The following CA10 variants were observed in gnomAD, a reference collection of about 807,000 sequenced individuals.
The protein encoded by CA10 is carbonic anhydrase-related protein 10.
CA10 carries 14 observed loss-of-function variants against 44.2 expected under a neutral mutation model. The ratio of observed to expected loss-of-function variants is 0.32; its 90% CI spans 0.21 to 0.50. The LOEUF (loss-of-function observed/expected upper bound fraction) is 0.50, where lower values mean the gene tolerates loss of function less well. Ranked by LOEUF, CA10 falls within the 20% of genes least tolerant of loss-of-function variation. The pLI, the probability that CA10 is intolerant of heterozygous loss-of-function variation, is 0.99. For missense variants in CA10, 350 were observed against 409.7 expected (o/e 0.85, Z 1.26); for synonymous variants, 159 against 141.6 (o/e 1.12, Z -0.87).
chr17:51,907,199 CT>C lies in CA10; in HGVS notation c.279+23790del, dbSNP rs547738360. 4.9e-3 allele frequency among the ~76,000 whole-genome samples: 748 copies of C among 152,182 alleles called. 2 individuals carry two copies. The highest frequency in any genetic ancestry group is 7.0e-3 in the Non-Finnish European group (474 of 68,006). ...TCCTCTGTTCATAGTGACCTTCTTC[CT>C]GTTTATGGAATGTGCCAAGTCTGTA... On this transcript the variant is annotated intron_variant, in intron 3 of 8. Transcript: ENST00000451037.
At chr17:51,878,742 A>T (rs1016103494) in intron 3 of CA10, among the ~76,000 whole-genome samples, 1 of 150,064 alleles carries the variant, frequency 6.7e-6, no homozygotes, top group East Asian at 2.0e-4. Context: ...AATATGAGCC[A>T]AAGAAATGTT....
At chr17:51,943,113 CT>C (rs1983145976) in intron 2 of CA10, among the ~76,000 whole-genome samples, 1 of 152,096 alleles carries the variant, frequency 6.6e-6, no homozygotes, top group Non-Finnish European at 1.5e-5. Context: ...TACTTTTGTG[CT>C]TTTGCTTTAA....
intron 3 of CA10, among the ~76,000 whole-genome samples, chr17:51,784,840 C>CTGTTG (rs1303707401): frequency 1.3e-5 from 2 of 152,204 alleles, no homozygotes; most frequent in African/African-American, 4.8e-5. Context: ...TATGGTCACC[C>CTGTTG]TGTTGTGCTA....
intron 2 of CA10, chr17:52,070,430 T>C (rs1987650533): frequency 1.3e-5 from 2 of 152,166 alleles, no homozygotes; most frequent in African/African-American, 4.8e-5. Context: ...AATTTAATCC[T>C]CAGCAAACCT....
At chr17:52,087,014 C>G (rs1011129425) in intron 1 of CA10, among the ~76,000 whole-genome samples, 5 of 152,174 alleles carry the variant, frequency 3.3e-5, no homozygotes, top group Non-Finnish European at 5.9e-5. Flanking sequence ...CCTCCTACAA[C>G]CTATCTCTTT....
chr17:51,899,057 TTTTG>T (rs1343761200), intron 3 of CA10, among the ~76,000 whole-genome samples: 1 of 152,084 alleles, frequency 6.6e-6, no homozygotes, highest in African/African-American at 2.4e-5. Context: ...TTAGCTCTGA[TTTTG>T]TTTTTTTCTT....
At chr17:51,831,728 A>AGCC (rs1555604084) in intron 3 of CA10, among the ~76,000 whole-genome samples, 1 of 128,562 alleles carries the variant, frequency 7.8e-6, no homozygotes, top group African/African-American at 3.1e-5. Flanking sequence ...CAGCAGCAGC[A>AGCC]GCAGAAAAAG....
At chr17:51,817,376 G>A (rs1272505392) in intron 3 of CA10, among the ~76,000 whole-genome samples, 1 of 152,182 alleles carries the variant, frequency 6.6e-6, no homozygotes. Flanking sequence ...TAAAATATTT[G>A]TCTCTTTAAG....
At chr17:51,641,157 TCTCTCTCTC>T (rs144897589) in intron 6 of CA10, among the ~76,000 whole-genome samples, 3 of 22,876 alleles carry the variant, frequency 1.3e-4, no homozygotes, top group African/African-American at 2.6e-4. Flanking sequence ...CTCAGCTCTC[TCTCTCTCTC>T]CTCTCTCTCT....
intron 3 of CA10, among the ~76,000 whole-genome samples, chr17:51,890,922 G>A (rs1980828352): frequency 6.6e-6 from 1 of 152,138 alleles, no homozygotes; most frequent in Admixed American, 6.5e-5. Context: ...AGACAGCCCG[G>A]AAAGAGTCTT....
At chr17:51,777,265 G>A (rs1377495709) in intron 3 of CA10, among the ~76,000 whole-genome samples, 1 of 152,180 alleles carries the variant, frequency 6.6e-6, no homozygotes, top group Non-Finnish European at 1.5e-5. Context: ...GATCCAAGTG[G>A]TGATATTGAG....
chr17:52,039,871 C>T (rs950743242), intron 2 of CA10, among the ~76,000 whole-genome samples: 6 of 151,858 alleles, frequency 4.0e-5, no homozygotes, highest in East Asian at 2.0e-4. Flanking sequence ...TCATAATGGT[C>T]GTCAATTATT....
At position 51,707,703 on chromosome 17, in the gene CA10, G is replaced by GTA. The variant is rs1369858892; in HGVS notation, c.465+39929_465+39930insTA. Among the ~76,000 whole-genome samples the GTA allele has an allele frequency of 1.2e-4, 18 of 151,622 alleles. 1 individual carries two copies. Among genetic ancestry groups the GTA allele is most frequent in the Non-Finnish European group, 4.4e-5 (3 of 67,916 alleles). ...TGTGTGTGTGTGTGTGTGTGTGTGT[G>GTA]TTTCTCATGTTCCTATCCTTAATCA... On this transcript the variant is annotated intron_variant, in intron 4 of 8. Transcript: ENST00000451037.
intron 2 of CA10, among the ~76,000 whole-genome samples, chr17:52,036,266 T>C (rs1986615323): frequency 6.6e-6 from 1 of 152,228 alleles, no homozygotes. Context: ...TAAAAGAATT[T>C]AGGCTTCATT....
At chr17:51,750,195 GA>G (rs1904845548) in intron 3 of CA10, among the ~76,000 whole-genome samples, 1 of 152,040 alleles carries the variant, frequency 6.6e-6, no homozygotes, top group African/African-American at 2.4e-5. Context: ...AAAGATATGG[GA>G]CAGCAAATCG....
chr17:51,925,821 G>GAAAT (rs1567887708), intron 3 of CA10, among the ~76,000 whole-genome samples: 2 of 152,148 alleles, frequency 1.3e-5, no homozygotes, highest in Non-Finnish European at 2.9e-5. Context: ...TATGCTCAGT[G>GAAAT]AAATAAGCCA....
chr17:51,680,833 C>G (rs931059999), intron 4 of CA10, among the ~76,000 whole-genome samples: 4 of 152,072 alleles, frequency 2.6e-5, no homozygotes, highest in Admixed American at 6.6e-5. Flanking sequence ...GAATGGAACC[C>G]ACTTGGATAG....
chr17:51,839,746 A>G (rs780277987), intron 3 of CA10, among the ~76,000 whole-genome samples: 59 of 152,264 alleles, frequency 3.9e-4, no homozygotes, highest in Middle Eastern at 3.4e-3. Context: ...CCTAAATGGA[A>G]AGAAGACTGA....
chr17:51,941,761 C>G (rs1983085799), intron 2 of CA10, among the ~76,000 whole-genome samples: 1 of 152,138 alleles, frequency 6.6e-6, no homozygotes, highest in South Asian at 2.1e-4. Context: ...TCTTCTTCAG[C>G]CTTTGTAAAT....
Sources: allele counts gnomAD v4.1 joint callset (sites outside exome capture counted in the v4.1 genomes callset), GRCh38; gene constraint gnomAD v4.1.1; transcripts MANE v1.5; gene names NCBI Gene and HGNC (gene_info 2026-07-23, HGNC 2026-07-21).